Variants in METTL8 observed in about 807,000 individuals in gnomAD.
METTL8 encodes methyltransferase 8, tRNA N3-cytidine.
Under a neutral mutation model 48.7 loss-of-function variants are expected in METTL8, and 32 were observed. The ratio of observed to expected loss-of-function variants is 0.66; its 90% CI spans 0.50 to 0.88. The LOEUF (loss-of-function observed/expected upper bound fraction) is 0.88, where lower values mean the gene tolerates loss of function less well. METTL8 is among the 40% of genes least tolerant of loss of function. The pLI, the probability that METTL8 is intolerant of heterozygous loss-of-function variation, is 0.00. For missense variants in METTL8, 464 were observed against 474.4 expected (o/e 0.98, Z 0.20); for synonymous variants, 136 against 157.1 (o/e 0.87, Z 1.01).
intron 2 of METTL8, among the ~76,000 whole-genome samples, chr2:171,365,175 C>T (rs924059261): frequency 2.0e-5 from 3 of 152,132 alleles, no homozygotes; most frequent in African/African-American, 4.8e-5. Context: ...AACAGCTCCA[C>T]GGCATTCCAC....
At position 171,319,204 on chromosome 2, in the gene METTL8, T is replaced by C. The variant is rs1559029299; in HGVS notation, c.*4968A>G. The C allele has an allele frequency of 6.6e-6, 1 of 152,162 alleles. No individual in the cohort carries two copies. Among genetic ancestry groups the C allele is most frequent in the Non-Finnish European group, 1.5e-5 (1 of 68,030 alleles). The allele number at this position is 152,162 out of a possible 1,614,324, so 9.4% of individuals were successfully genotyped here. ...GTACTGCCTTGTAGATTAATAACAA[T>C]ACCTCACATATATTTAATGCTCTAG... On this transcript the variant is annotated 3_prime_UTR_variant, in exon 10 of 10. Coordinates refer to ENST00000375258, the MANE Select transcript of METTL8 (RefSeq NM_001321154.2).
chr2:171,384,233 C>T (rs149066990), intron 2 of METTL8, among the ~76,000 whole-genome samples: 506 of 152,280 alleles, frequency 3.3e-3, no homozygotes, highest in African/African-American at 0.011. Context: ...TGGCTGGGTG[C>T]GGAGACTTAA....
intron 1 of METTL8, among the ~76,000 whole-genome samples, chr2:171,417,100 A>C (rs957282766): frequency 3.9e-5 from 6 of 152,230 alleles, no homozygotes; most frequent in African/African-American, 1.4e-4. Flanking sequence ...CTGAAAACCA[A>C]ATAAAATTAA....
intron 1 of METTL8, among the ~76,000 whole-genome samples, chr2:171,410,685 T>C (rs1334099949): frequency 5.9e-5 from 9 of 152,266 alleles, no homozygotes; most frequent in South Asian, 2.1e-4. Context: ...TCCTCAATGA[T>C]GGCAAACTCT....
intron 1 of METTL8, among the ~76,000 whole-genome samples, chr2:171,408,198 G>C (rs927419073): frequency 4.6e-5 from 7 of 152,100 alleles, no homozygotes; most frequent in Admixed American, 1.3e-4. Context: ...AGTCAACTGA[G>C]GGACCTGAGA....
chr2:171,376,130 T>A (rs1045930911), intron 2 of METTL8, among the ~76,000 whole-genome samples: 1 of 152,240 alleles, frequency 6.6e-6, no homozygotes, highest in Non-Finnish European at 1.5e-5. Flanking sequence ...GACTGCAACA[T>A]TGTTGAGTCA....
intron 2 of METTL8, among the ~76,000 whole-genome samples, chr2:171,378,057 CATG>C (rs1307884038): frequency 1.3e-5 from 2 of 152,206 alleles, no homozygotes; most frequent in African/African-American, 4.8e-5. Context: ...CAGCTAGCAT[CATG>C]ATGACAGGAT....
At chr2:171,400,049 A>T (rs77504375) in intron 1 of METTL8, among the ~76,000 whole-genome samples, 6,663 of 151,826 alleles carry the variant, frequency 0.044, 442 homozygotes, top group African/African-American at 0.14. Flanking sequence ...ATTTTTTTTT[A>T]AAAAAGTTAA....
intron 1 of METTL8, among the ~76,000 whole-genome samples, chr2:171,415,248 T>A (rs529206359): frequency 1.3e-5 from 2 of 152,050 alleles, no homozygotes; most frequent in South Asian, 2.1e-4. Flanking sequence ...CCAAGAAACA[T>A]GCATATGCAT....
intron 7 of METTL8, among the ~76,000 whole-genome samples, chr2:171,327,859 T>C (rs545439475): frequency 6.6e-6 from 1 of 152,246 alleles, no homozygotes; most frequent in Non-Finnish European, 1.5e-5. Flanking sequence ...ACTTTCAATA[T>C]AAATATTTTA....
chr2:171,375,818 A>T (rs926132718), intron 2 of METTL8, among the ~76,000 whole-genome samples: 1 of 152,238 alleles, frequency 6.6e-6, no homozygotes, highest in African/African-American at 2.4e-5. Flanking sequence ...AAACATATTA[A>T]ATGATTCTGT....
intron 2 of METTL8, among the ~76,000 whole-genome samples, chr2:171,365,562 T>C (rs958473003): frequency 4.6e-5 from 7 of 152,306 alleles, no homozygotes; most frequent in African/African-American, 1.7e-4. Flanking sequence ...CTAATTCCTT[T>C]GTCTCCACTG....
intron 1 of METTL8, among the ~76,000 whole-genome samples, chr2:171,394,815 A>G (rs1221580150): frequency 6.6e-6 from 1 of 152,236 alleles, no homozygotes; most frequent in African/African-American, 2.4e-5. Context: ...GACTGATTAC[A>G]TAAAAATGGT....
At chr2:171,393,130 C>G (rs2105567202) in intron 1 of METTL8, among the ~76,000 whole-genome samples, 1 of 151,496 alleles carries the variant, frequency 6.6e-6, no homozygotes. Flanking sequence ...AACAAAAATG[C>G]ATGCTTAAGG....
At chr2:171,363,320 C>A (rs1372569157) in intron 2 of METTL8, among the ~76,000 whole-genome samples, 3 of 151,974 alleles carry the variant, frequency 2.0e-5, no homozygotes, top group Non-Finnish European at 2.9e-5. Context: ...TGCTTTATGG[C>A]AGTTCTTTAT....
chr2:171,330,830 TTTTCCA>T, intron 6 of METTL8, 132 bp from the exon 7 acceptor site: 1 of 689,916 alleles, frequency 1.4e-6, no homozygotes, highest in East Asian at 2.9e-5. Flanking sequence ...CTGAACACTT[TTTTCCA>T]ATTCAGTATT....
intron 1 of METTL8, among the ~76,000 whole-genome samples, chr2:171,430,516 C>T (rs551147084): frequency 3.4e-4 from 51 of 152,056 alleles, no homozygotes; most frequent in African/African-American, 1.2e-3. Context: ...ACACATGTAC[C>T]CCAGAACTTA....
chr2:171,404,477 TCACTTC>T (rs1455871840), intron 1 of METTL8, among the ~76,000 whole-genome samples: 1 of 152,076 alleles, frequency 6.6e-6, no homozygotes, highest in Non-Finnish European at 1.5e-5. Flanking sequence ...AAAGAGTGAT[TCACTTC>T]CTGGGCAGGA....
chr2:171,324,765 TA>T (rs1559039452), intron 9 of METTL8, among the ~76,000 whole-genome samples: 1 of 152,168 alleles, frequency 6.6e-6, no homozygotes, highest in Non-Finnish European at 1.5e-5. Flanking sequence ...AATGCATTTT[TA>T]AAAATGTGAA....
Sources: allele counts gnomAD v4.1 joint callset (sites outside exome capture counted in the v4.1 genomes callset), GRCh38; gene constraint gnomAD v4.1.1; transcripts MANE v1.5; gene names NCBI Gene and HGNC (gene_info 2026-07-23, HGNC 2026-07-21).